Variants in ENOX2 observed in about 807,000 individuals in gnomAD.
ENOX2 encodes ecto-NOX disulfide-thiol exchanger 2.
In ENOX2, 36 loss-of-function variants were observed where a neutral mutation model predicts 45.0. The ratio of observed to expected loss-of-function variants is 0.80; its 90% CI spans 0.61 to 1.06. ENOX2 has a LOEUF of 1.06. ENOX2 is among the 50% of genes least tolerant of loss of function. The pLI is 0.00. For missense variants in ENOX2, 423 were observed against 462.5 expected (o/e 0.91, Z 0.78); for synonymous variants, 174 against 152.3 (o/e 1.14, Z -1.05).
intron 2 of ENOX2, among the ~76,000 whole-genome samples, chrX:130,874,818 C>T (rs189846663): frequency 0.042 from 4,707 of 111,036 alleles, 126 homozygotes; most frequent in African/African-American, 0.095. Context: ...AGCCACTCCC[C>T]GCCCACACAG....
intron 3 of ENOX2, among the ~76,000 whole-genome samples, chrX:130,758,894 A>G (rs1162516538): frequency 9.0e-6 from 1 of 110,772 alleles, no homozygotes; most frequent in Non-Finnish European, 1.9e-5. Flanking sequence ...TCTTTTTTCA[A>G]TTTTCTAATT....
chrX:130,749,114 T>C (rs2039157503), intron 3 of ENOX2, among the ~76,000 whole-genome samples: 1 of 111,887 alleles, frequency 8.9e-6, no homozygotes, highest in African/African-American at 3.3e-5. Context: ...TTTCATACAG[T>C]TGGGGCAGCA....
chrX:130,891,498 T>A (rs1024392257), intron 2 of ENOX2, among the ~76,000 whole-genome samples: 1 of 91,687 alleles, frequency 1.1e-5, no homozygotes, highest in African/African-American at 4.1e-5. Context: ...TGGTTTTTTT[T>A]TTTTTTTTTT....
At chrX:130,771,505 A>G (rs1162917546) in intron 3 of ENOX2, among the ~76,000 whole-genome samples, 1 of 111,526 alleles carries the variant, frequency 9.0e-6, no homozygotes, top group Non-Finnish European at 1.9e-5. Flanking sequence ...TAGGCTCCAC[A>G]ACTCTTCAAG....
At chrX:130,829,139 G>A (rs779728710) in intron 2 of ENOX2, among the ~76,000 whole-genome samples, 11 of 110,895 alleles carry the variant, frequency 9.9e-5, no homozygotes, top group African/African-American at 2.0e-4. Context: ...GTTGCTCTTC[G>A]GTGCTCCATG....
At chrX:130,821,704 TAA>T (rs1169703982) in intron 2 of ENOX2, among the ~76,000 whole-genome samples, 1 of 35,456 alleles carries the variant, frequency 2.8e-5, no homozygotes, top group Non-Finnish European at 5.0e-5. Flanking sequence ...AAAAAAAAAT[TAA>T]AAAAAAAATA....
intron 2 of ENOX2, among the ~76,000 whole-genome samples, chrX:130,866,427 C>G (rs963206895): frequency 9.0e-6 from 1 of 111,670 alleles, no homozygotes; most frequent in African/African-American, 3.3e-5. Context: ...CTAATCTTGA[C>G]TTTTAAAGCT....
At chrX:130,811,245 C>T (rs867892932) in intron 2 of ENOX2, among the ~76,000 whole-genome samples, 2 of 111,773 alleles carry the variant, frequency 1.8e-5, no homozygotes, top group Non-Finnish European at 3.8e-5. Flanking sequence ...CAGCATCTGG[C>T]TAGCCCCTGC....
chrX:130,757,973 TC>T (rs1296002939), intron 3 of ENOX2, among the ~76,000 whole-genome samples: 1 of 111,960 alleles, frequency 8.9e-6, no homozygotes, highest in Non-Finnish European at 1.9e-5. Context: ...ACTCCTGGTT[TC>T]CTTGTCTATA....
intron 3 of ENOX2, among the ~76,000 whole-genome samples, chrX:130,713,682 C>T (rs1220485790): frequency 9.0e-6 from 1 of 110,840 alleles, no homozygotes; most frequent in Non-Finnish European, 1.9e-5. Flanking sequence ...ACATTTATTC[C>T]ATATTTTCTT....
intron 3 of ENOX2, among the ~76,000 whole-genome samples, chrX:130,763,637 G>A: frequency 9.0e-6 from 1 of 110,889 alleles, no homozygotes; most frequent in Admixed American, 9.6e-5. Flanking sequence ...GGGAGGCCGA[G>A]GCAGGAGGAT....
intron 9 of ENOX2, among the ~76,000 whole-genome samples, chrX:130,658,007 A>G (rs2036590742): frequency 8.9e-6 from 1 of 111,911 alleles, no homozygotes; most frequent in African/African-American, 3.2e-5. Flanking sequence ...GAAACATTTA[A>G]AAGGAGCCAA....
chrX:130,836,165 C>T (rs1450700650), intron 2 of ENOX2, among the ~76,000 whole-genome samples: 1 of 112,225 alleles, frequency 8.9e-6, no homozygotes, highest in East Asian at 2.8e-4. Context: ...TCTGAAGAAA[C>T]TGTATATGGG....
At position 130,882,934 on chromosome X, in the gene ENOX2, G is replaced by A. The variant is rs999926711; in HGVS notation, c.-183+18750C>T. ...TCTTGCTACTTAGTAATTGTGTGAC[G>A]TGGTAGGCTGGATACTTAAACTCTG... is the stretch of plus-strand genomic sequence containing the variant. On this transcript the variant is annotated intron_variant, in intron 2 of 14. Coordinates refer to ENST00000394363, the MANE Select transcript of ENOX2 (RefSeq NM_006375.4). 2.8e-4 allele frequency among the ~76,000 whole-genome samples: 31 copies of A among 111,840 alleles called. No homozygotes were observed. The South Asian group carries it at 3.8e-3, about 14-fold the overall frequency.
At position 130,783,670 on chromosome X, in the gene ENOX2, C is replaced by T. The variant is rs947576297; in HGVS notation, c.-162G>A. On this transcript the variant is annotated 5_prime_UTR_variant, in exon 3 of 15. Transcript: ENST00000394363. ...AGGGGCTCGTTGTTGTTAGCAGGGTCAAAGGGCAGCTGGTTCAATCCTAAA... is the reference window on the plus strand; with the variant it reads ...AGGGGCTCGTTGTTGTTAGCAGGGTTAAAGGGCAGCTGGTTCAATCCTAAA... The T allele has an allele frequency of 1.3e-5, 4 of 318,162 alleles. No individual in the cohort carries two copies. The highest frequency in any genetic ancestry group is 1.2e-5 in the Non-Finnish European group (2 of 165,171). 26.2% of individuals were successfully genotyped at this position (318,162 alleles called of 1,213,427 possible).
intron 3 of ENOX2, among the ~76,000 whole-genome samples, chrX:130,725,476 T>G (rs996286803): frequency 9.2e-6 from 1 of 108,998 alleles, no homozygotes; most frequent in Non-Finnish European, 1.9e-5. Flanking sequence ...CCTTTAACAA[T>G]CATTTTTTTA....
At chrX:130,628,280 G>A (rs1569475493) in intron 13 of ENOX2, among the ~76,000 whole-genome samples, 2 of 112,387 alleles carry the variant, frequency 1.8e-5, no homozygotes, top group African/African-American at 3.2e-5. Context: ...CTTGTCCAAG[G>A]TCACACAGCT....
intron 2 of ENOX2, among the ~76,000 whole-genome samples, chrX:130,805,685 G>A (rs1434729673): frequency 2.7e-5 from 3 of 111,357 alleles, no homozygotes; most frequent in Admixed American, 9.5e-5. Flanking sequence ...TGGTCCTCTC[G>A]CTACCTTGCC....
chrX:130,722,106 G>A (rs1024993687), intron 3 of ENOX2, among the ~76,000 whole-genome samples: 3 of 111,689 alleles, frequency 2.7e-5, no homozygotes, highest in East Asian at 2.8e-4. Flanking sequence ...CATCAGGAGC[G>A]CATGAACTCA....
Sources: gnomAD v4.1 joint callset for allele counts (sites outside exome capture counted in the v4.1 genomes callset) on GRCh38, gnomAD v4.1.1 for gene constraint, MANE v1.5 for transcripts, NCBI Gene and HGNC (gene_info 2026-07-23, HGNC 2026-07-21) for gene names.